Variants in DCBLD2 observed in about 807,000 individuals in gnomAD.
DCBLD2 encodes the protein discoidin, CUB and LCCL domain-containing protein 2.
DCBLD2 carries 54 observed loss-of-function variants against 86.8 expected under a neutral mutation model. That is an observed-to-expected ratio of 0.62 (90% confidence interval 0.50 to 0.78). DCBLD2 has a LOEUF of 0.78. Among genes scored for constraint, DCBLD2 ranks in the 30% least tolerant of loss-of-function variants. DCBLD2 has a pLI of 0.00. For synonymous variants in DCBLD2, 354 were observed against 341.3 expected, an observed-to-expected ratio of 1.04 and a Z score of -0.41; for missense variants, 908 against 954.2, an observed-to-expected ratio of 0.95 and a Z score of 0.64.
At chr3:98,872,768 A>G (rs1267644031) in intron 2 of DCBLD2, among the ~76,000 whole-genome samples, 1 of 152,170 alleles carries the variant, frequency 6.6e-6, no homozygotes, top group African/African-American at 2.4e-5. Flanking sequence ...AAACACGAAA[A>G]GACACTTAAA....
chr3:98,872,889 G>A (rs7630797), intron 2 of DCBLD2, among the ~76,000 whole-genome samples: 147,964 of 152,282 alleles, frequency 0.97, 72,046 homozygotes, highest in East Asian at 1. Context: ...AAATAAATGC[G>A]AATGGATTTA....
intron 3 of DCBLD2, among the ~76,000 whole-genome samples, chr3:98,846,637 T>C (rs983521718): frequency 6.6e-6 from 1 of 152,224 alleles, no homozygotes; most frequent in Non-Finnish European, 1.5e-5. Context: ...ATTATGACTT[T>C]GGAAAGTTTT....
intron 2 of DCBLD2, among the ~76,000 whole-genome samples, chr3:98,862,561 G>C (rs954559962): frequency 2.0e-5 from 3 of 152,092 alleles, no homozygotes; most frequent in African/African-American, 7.2e-5. Flanking sequence ...AAGGCTGGTT[G>C]AACATATGCA....
intron 1 of DCBLD2, among the ~76,000 whole-genome samples, chr3:98,896,975 A>G (rs1482089388): frequency 6.6e-6 from 1 of 152,232 alleles, no homozygotes; most frequent in African/African-American, 2.4e-5. Context: ...TTCACTTCCC[A>G]GTGTCACTTT....
At chr3:98,859,715 C>T (rs866800996) in intron 2 of DCBLD2, among the ~76,000 whole-genome samples, 4 of 152,148 alleles carry the variant, frequency 2.6e-5, no homozygotes, top group Non-Finnish European at 5.9e-5. Context: ...ACACCAAAAC[C>T]CCATCTGTAT....
chr3:98,851,590 T>A (rs1304371625), intron 2 of DCBLD2, among the ~76,000 whole-genome samples: 2 of 152,158 alleles, frequency 1.3e-5, no homozygotes, highest in African/African-American at 4.8e-5. Flanking sequence ...CTACTTTAAA[T>A]TTCATATGGA....
chr3:98,814,787 A>C (rs761679223), intron 9 of DCBLD2: 1 of 152,208 alleles, frequency 6.6e-6, no homozygotes, highest in Non-Finnish European at 1.5e-5. Context: ...ATACAATTCA[A>C]TGTGAAGATT....
In DCBLD2 at chr3:98,900,634, A is replaced by C. The variant is rs148774526; in HGVS notation, c.205+488T>G. The C allele has an allele frequency of 2.2e-3, 381 of 169,806 alleles. 7 individuals are homozygous for C. The highest frequency in any genetic ancestry group is 8.9e-3 in the African/African-American group (370 of 41,694). 10.5% of individuals were successfully genotyped at this position (169,806 alleles called of 1,614,324 possible). ...GATGGATTGTAAAGAACATGTTCTG[A>C]ATCCAAGACTCAGAGATAAGCAGAA... On this transcript the variant is annotated intron_variant, in intron 1 of 15. Coordinates refer to ENST00000326840, the MANE Select transcript of DCBLD2 (RefSeq NM_080927.4).
intron 3 of DCBLD2, among the ~76,000 whole-genome samples, chr3:98,837,873 C>A (rs1220481339): frequency 2.7e-4 from 23 of 85,022 alleles, no homozygotes; most frequent in Admixed American, 5.9e-4. Flanking sequence ...GGGGGGCTGA[C>A]CCCCCCACCT....
chr3:98,847,470 A>G (rs1177071788), intron 3 of DCBLD2, among the ~76,000 whole-genome samples: 1 of 152,214 alleles, frequency 6.6e-6, no homozygotes, highest in Non-Finnish European at 1.5e-5. Flanking sequence ...TTTACTATGA[A>G]AGATTTTGTT....
intron 1 of DCBLD2, among the ~76,000 whole-genome samples, chr3:98,893,675 G>T (rs1172361206): frequency 2.0e-5 from 3 of 152,152 alleles, no homozygotes; most frequent in African/African-American, 4.8e-5. Flanking sequence ...AATGAAAAAA[G>T]AGATATGTAA....
Position 98,808,104 on chromosome 3 carries a change from C to T in DCBLD2, c.1647G>A (p.Val549=), listed in dbSNP as rs1304669509. ...MVLTTLILIL[V]CAWHWRNRKK... is the part of the protein sequence containing the mutation. ...ACCTGTTTCTCCAGTGCCAAGCACACACTAATATGAGAATGAGAGTAGTGA... is the reference window on the plus strand; with the variant it reads ...ACCTGTTTCTCCAGTGCCAAGCACATACTAATATGAGAATGAGAGTAGTGA... Residue 549 remains valine, a synonymous_variant, in exon 13 of 16, where the codon GTG becomes GTA. Transcript: ENST00000326840. The T allele has an allele frequency of 6.2e-7, 1 of 1,604,278 alleles. No individual in the cohort carries two copies. The highest frequency in any genetic ancestry group is 8.5e-7 in the Non-Finnish European group (1 of 1,175,716).
chr3:98,811,516 T>A lies in DCBLD2; in HGVS notation c.1402A>T (p.Asn468Tyr). ...PKLTQPPPPR[N>Y]SNDLKNTTAP... ...GTAGTGTTTTTGAGGTCATTGCTGT[T>A]CCGAGGAGGTGGAGGTTGAGTAAGT... is the stretch of plus-strand genomic sequence containing the variant. Residue 468 changes from asparagine (N) to tyrosine (Y), a missense_variant, in exon 11 of 16, where the codon AAC (asparagine) becomes TAC (tyrosine). Asn to Tyr is a moderately radical substitution (Grantham distance 143). Coordinates refer to ENST00000326840, the MANE Select transcript of DCBLD2 (RefSeq NM_080927.4). 1 of 1,607,332 alleles carries A rather than the reference T, an allele frequency of 6.2e-7. No homozygotes were observed. The highest frequency in any genetic ancestry group is 8.5e-7 in the Non-Finnish European group (1 of 1,177,498).
rs1446820953 is a variant in DCBLD2 at position 98,799,118 on chromosome 3, C to G, written c.*254G>C. ...TGAAGTGCATTATAGGGAGCTTTTT[C>G]TGTATTAAAAATAGTGTTCTACAGT... On this transcript the variant is annotated 3_prime_UTR_variant, in exon 16 of 16. Coordinates refer to ENST00000326840, the MANE Select transcript of DCBLD2 (RefSeq NM_080927.4). The G allele has an allele frequency of 2.8e-6, 1 of 354,612 alleles. No homozygotes were observed. Among genetic ancestry groups the G allele is most frequent in the Non-Finnish European group, 5.1e-6 (1 of 195,152 alleles). 22.0% of individuals were successfully genotyped at this position (354,612 alleles called of 1,614,324 possible). A position where few individuals can be genotyped will look rare whatever the true frequency, so the allele number is the denominator to read the frequency against.
At position 98,840,930 on chromosome 3, in the gene DCBLD2, T is replaced by C. The variant is rs1169983753; in HGVS notation, c.571+8531A>G. Among the ~76,000 whole-genome samples, 3 of 152,216 alleles carry C rather than the reference T, an allele frequency of 2.0e-5. No individual in the cohort carries two copies. In the East Asian group the frequency reaches 5.8e-4, roughly 29 times the overall value. On this transcript the variant is annotated intron_variant, in intron 3 of 15. Coordinates refer to ENST00000326840, the MANE Select transcript of DCBLD2 (RefSeq NM_080927.4). The stretch of plus-strand genomic sequence containing the variant: ...GTACACTTCATTTGGGTGTTGTAGA[T>C]AACAGCGATGGCAGTAGTAAACAGA...
intron 9 of DCBLD2, chr3:98,813,125 T>C (rs1941966715): frequency 6.6e-6 from 1 of 152,244 alleles, no homozygotes; most frequent in Non-Finnish European, 1.5e-5. Context: ...AGAGTCTTGC[T>C]CTGTCATCCA....
chr3:98,864,269 G>A (rs1435555916), intron 2 of DCBLD2, among the ~76,000 whole-genome samples: 1 of 152,196 alleles, frequency 6.6e-6, no homozygotes, highest in African/African-American at 2.4e-5. Flanking sequence ...CTGTAAACTT[G>A]TTAAACCATT....
At chr3:98,841,285 A>G (rs187397226) in intron 3 of DCBLD2, among the ~76,000 whole-genome samples, 22 of 152,312 alleles carry the variant, frequency 1.4e-4, no homozygotes, top group African/African-American at 5.3e-4. Flanking sequence ...TTCTGAAAAC[A>G]CCAACATCAG....
intron 3 of DCBLD2, among the ~76,000 whole-genome samples, chr3:98,833,275 C>T (rs1942356136): frequency 6.6e-6 from 1 of 152,154 alleles, no homozygotes; most frequent in Non-Finnish European, 1.5e-5. Flanking sequence ...TTTTTCAGCT[C>T]TATCAGGTCA....
Sources: gnomAD v4.1 joint callset for allele counts (sites outside exome capture counted in the v4.1 genomes callset) on GRCh38, gnomAD v4.1.1 for gene constraint, MANE v1.5 for transcripts, NCBI Gene and HGNC (gene_info 2026-07-23, HGNC 2026-07-21) for gene names.